The following TMEM192 variants were observed in gnomAD, a reference collection of about 807,000 sequenced individuals.
TMEM192 encodes the protein transmembrane protein 192.
A neutral mutation model predicts 26.7 loss-of-function variants in TMEM192; 20 were observed. The observed-to-expected ratio is 0.75, with a 90% CI of 0.53 to 1.09. The LOEUF is 1.09. TMEM192 is among the 50% of genes least tolerant of loss of function. TMEM192 has a pLI of 0.00. For synonymous variants in TMEM192, 124 were observed against 121.0 expected (o/e 1.02, Z -0.16); for missense variants, 304 against 322.6 (o/e 0.94, Z 0.44).
chr4:165,096,778 T>C (rs557108238), intron 3 of TMEM192, among the ~76,000 whole-genome samples: 4 of 152,052 alleles, frequency 2.6e-5, no homozygotes, highest in Non-Finnish European at 5.9e-5. Flanking sequence ...TGTTCAGAAA[T>C]AGATTATGAT....
chr4:165,085,576 T>G lies in TMEM192; in HGVS notation c.677+10A>C. ...AAAACTCAATTATTTTATTCTCACC[T>G]AAATCTTACCTGAATCCAGTCTCCG... On this transcript the variant is annotated intron_variant, in intron 5 of 5. Transcript: ENST00000306480. 6.3e-7 allele frequency: 1 copy of G among 1,582,736 alleles called. No homozygotes were observed. The highest frequency in any genetic ancestry group is 1.7e-4 in the Middle Eastern group (1 of 5,950).
intron 3 of TMEM192, among the ~76,000 whole-genome samples, chr4:165,097,568 C>G (rs188321966): frequency 3.7e-4 from 47 of 125,426 alleles, no homozygotes; most frequent in African/African-American, 1.7e-3. Context: ...TTCTGTGGAG[C>G]CTTTTTTTTT....
chr4:165,103,922 C>A (rs1184593104), intron 1 of TMEM192, among the ~76,000 whole-genome samples: 1 of 152,180 alleles, frequency 6.6e-6, no homozygotes, highest in Non-Finnish European at 1.5e-5. Context: ...CCCACCTCGG[C>A]CTCCCAAAGT....
intron 5 of TMEM192, 59 bp downstream of exon 5, chr4:165,085,527 A>T: frequency 9.1e-7 from 1 of 1,093,788 alleles, no homozygotes; most frequent in Admixed American, 2.2e-5. Context: ...AAGCATCAGA[A>T]TGGTTTCTAG....
chr4:165,097,387 G>A lies in TMEM192; in HGVS notation c.439+3241C>T, dbSNP rs1221436925. Among the ~76,000 whole-genome samples, 11 of 151,492 alleles carry A rather than the reference G, an allele frequency of 7.3e-5. 1 individual carries two copies. Among genetic ancestry groups the A allele is most frequent in the Non-Finnish European group, 1.3e-4 (9 of 67,876 alleles). On this transcript the variant is annotated intron_variant, in intron 3 of 5. Transcript: ENST00000306480. ...CGGGCGAATGCAGTCCCAGCTACTC[G>A]GGAGGCTGAGGCAGGAGAATGGCCT...
chr4:165,097,066 C>T (rs1440414383), intron 3 of TMEM192, among the ~76,000 whole-genome samples: 1 of 152,034 alleles, frequency 6.6e-6, no homozygotes, highest in East Asian at 1.9e-4. Context: ...AGGCAGGGAG[C>T]AATAAATGCT....
chr4:165,079,454 G>T lies in TMEM192; in HGVS notation c.*204C>A. ...AACAGACATTCCCCTCAAGTTATCC[G>T]GGCTTCTACAGGTACTTTTCAAGTG... On this transcript the variant is annotated 3_prime_UTR_variant, in exon 6 of 6. Coordinates refer to ENST00000306480, the MANE Select transcript of TMEM192 (RefSeq NM_001100389.2). The T allele has an allele frequency of 2.1e-6, 1 of 470,726 alleles. No individual in the cohort carries two copies. The highest frequency in any genetic ancestry group is 3.7e-6 in the Non-Finnish European group (1 of 271,698). 29.2% of individuals were successfully genotyped at this position (470,726 alleles called of 1,614,324 possible).
chr4:165,094,648 C>T (rs1256353219), intron 3 of TMEM192, among the ~76,000 whole-genome samples: 1 of 149,448 alleles, frequency 6.7e-6, no homozygotes, highest in African/African-American at 2.5e-5. Flanking sequence ...CAGAGCGAGA[C>T]TCTGTCTCAA....
At position 165,106,332 on chromosome 4, in the gene TMEM192, G is replaced by C. The variant is rs538303874; in HGVS notation, c.28-3236C>G. On this transcript the variant is annotated intron_variant, in intron 1 of 5. Transcript: ENST00000306480. ...CATGGCCTTTTATTAGAAGCTTCCAGTCTTCTGGTCTTGGCAATCTCTTTC... is the reference window on the plus strand; with the variant it reads ...CATGGCCTTTTATTAGAAGCTTCCACTCTTCTGGTCTTGGCAATCTCTTTC... Among the ~76,000 whole-genome samples, 13 of 152,242 alleles carry C rather than the reference G, an allele frequency of 8.5e-5. No individual in the cohort carries two copies. In the South Asian group the frequency reaches 2.7e-3, roughly 32 times the overall value.
In TMEM192 at chr4:165,076,159, T is replaced by C. The variant is rs538248700; in HGVS notation, c.*3499A>G. The C allele has an allele frequency of 1.3e-5, 2 of 152,336 alleles. No homozygotes were observed. The highest frequency in any genetic ancestry group is 3.9e-4 in the East Asian group (2 of 5,190). The allele number at this position is 152,336 out of a possible 1,614,324, so 9.4% of individuals were successfully genotyped here. The stretch of plus-strand genomic sequence containing the variant: ...AATGAGCTTTTAACTTTATAATAAG[T>C]CATGATACTGTTGTCATTTGGAATA... On this transcript the variant is annotated 3_prime_UTR_variant, in exon 6 of 6. Coordinates refer to ENST00000306480, the MANE Select transcript of TMEM192 (RefSeq NM_001100389.2).
Position 165,073,745 on chromosome 4 carries a change from GCTCTGTTA to G in TMEM192, c.*5905_*5912del, listed in dbSNP as rs1300121424. On this transcript the variant is annotated 3_prime_UTR_variant, in exon 6 of 6. Coordinates refer to ENST00000306480, the MANE Select transcript of TMEM192 (RefSeq NM_001100389.2). ...GGCGAGATATGCTGGCAGCAATACTGCTCTGTTACTCTTTGCTACACTGAAATGTTTGT... is the reference window on the plus strand; with the variant it reads ...GGCGAGATATGCTGGCAGCAATACTGCTCTTTGCTACACTGAAATGTTTGT... 6.6e-6 allele frequency: 1 copy of G among 152,148 alleles called. No individual in the cohort carries two copies. The highest frequency in any genetic ancestry group is 2.4e-5 in the African/African-American group (1 of 41,420). 9.4% of individuals were successfully genotyped at this position (152,148 alleles called of 1,614,324 possible).
At chr4:165,104,925 G>A (rs148351153) in intron 1 of TMEM192, among the ~76,000 whole-genome samples, 143 of 152,230 alleles carry the variant, frequency 9.4e-4, no homozygotes, top group African/African-American at 3.0e-3. Flanking sequence ...AGACCCCTCT[G>A]CCTCTAGCTC....
In TMEM192 at chr4:165,077,307, T is replaced by G. The variant is rs1334274535; in HGVS notation, c.*2351A>C. On this transcript the variant is annotated 3_prime_UTR_variant, in exon 6 of 6. Transcript: ENST00000306480. ...TACTGACTATAGATCCAAATTAAAT[T>G]TTAAAAATAAATAAGAGTTAATCAT... is the stretch of plus-strand genomic sequence containing the variant. 6.6e-6 allele frequency: 1 copy of G among 152,156 alleles called. No individual in the cohort carries two copies. The highest frequency in any genetic ancestry group is 1.5e-5 in the Non-Finnish European group (1 of 68,034). The allele number at this position is 152,156 out of a possible 1,614,324, so 9.4% of individuals were successfully genotyped here.
chr4:165,094,191 G>A (rs1429837914), intron 3 of TMEM192, among the ~76,000 whole-genome samples: 1 of 151,688 alleles, frequency 6.6e-6, no homozygotes, highest in Non-Finnish European at 1.5e-5. Flanking sequence ...GTGAGCCACA[G>A]CACCTGGCCT....
chr4:165,096,530 T>C (rs963154419), intron 3 of TMEM192, among the ~76,000 whole-genome samples: 2 of 152,030 alleles, frequency 1.3e-5, no homozygotes, highest in African/African-American at 2.4e-5. Context: ...TAAATAATTT[T>C]TTTTCTTCTC....
In TMEM192 at chr4:165,085,579, A is replaced by G. The variant is rs768374183; in HGVS notation, c.677+7T>C. ...ACTCAATTATTTTATTCTCACCTAA[A>G]TCTTACCTGAATCCAGTCTCCGAGG... On this transcript the variant is annotated splice_region_variant and intron_variant, in intron 5 of 5. Transcript: ENST00000306480. The G allele has an allele frequency of 4.4e-6, 7 of 1,590,892 alleles. No individual in the cohort carries two copies. The East Asian group carries it at 1.6e-4, about 36-fold the overall frequency.
chr4:165,100,380 G>A (rs576032511), intron 3 of TMEM192, among the ~76,000 whole-genome samples: 4 of 152,034 alleles, frequency 2.6e-5, no homozygotes, highest in African/African-American at 9.6e-5. Flanking sequence ...GGATGGTCTC[G>A]ATCTCCTGAC....
intron 3 of TMEM192, among the ~76,000 whole-genome samples, chr4:165,095,209 G>A (rs546572336): frequency 6.6e-6 from 1 of 152,192 alleles, no homozygotes; most frequent in African/African-American, 2.4e-5. Context: ...GGTTCTGGTA[G>A]GAAGAAATGA....
intron 1 of TMEM192, among the ~76,000 whole-genome samples, chr4:165,106,715 C>T (rs1196389876): frequency 3.3e-5 from 5 of 152,232 alleles, no homozygotes; most frequent in Admixed American, 2.0e-4. Flanking sequence ...CTGGGGCTCT[C>T]AGGCCTTCGG....
Sources: allele counts gnomAD v4.1 joint callset (sites outside exome capture counted in the v4.1 genomes callset), GRCh38; gene constraint gnomAD v4.1.1; transcripts MANE v1.5; gene names NCBI Gene and HGNC (gene_info 2026-07-23, HGNC 2026-07-21).